Variants in NBPF26 observed in about 807,000 individuals in gnomAD.
NBPF26 encodes NBPF family member NBPF26.
A neutral mutation model predicts 119.6 loss-of-function variants in NBPF26; 79 were observed. That is an observed-to-expected ratio of 0.66 (90% CI 0.55 to 0.80). NBPF26 has a LOEUF of 0.80. NBPF26 is among the 30% of genes least tolerant of loss of function. The pLI, the probability that NBPF26 is intolerant of heterozygous loss-of-function variation, is 0.00. For missense variants in NBPF26, 800 were observed against 1,198.2 expected (o/e 0.67, Z 4.91); for synonymous variants, 299 against 457.7 (o/e 0.65, Z 4.43).
At chr1:120,823,784 GT>G (rs1652189160) in intron 17 of NBPF26, among the ~76,000 whole-genome samples, 189 bp from the exon 18 acceptor site, 2 of 112,630 alleles carry the variant, frequency 1.8e-5, no homozygotes, top group Admixed American at 1.7e-4. Context: ...GTGTGTGTGT[GT>G]GTGTGTCTTT....
At chr1:120,840,433 A>G in exon 30 of NBPF26, 2 of 1,469,772 alleles carry the variant, frequency 1.4e-6, no homozygotes, top group Admixed American at 1.8e-5. Context: ...CCGTCAATGT[A>G]CTTTGAACTA....
rs1651401267 is a variant in NBPF26, at chr1:120,784,644, C to A, written c.156-330C>A. On this transcript the variant is annotated intron_variant, in intron 2 of 29. Coordinates refer to ENST00000620612, the Ensembl canonical transcript of NBPF26. ...CACACCCTCATCCCCAGTTCCATTC[C>A]ATTCCTTCCTGTTTAATTTTTTTTC... Among the ~76,000 whole-genome samples the A allele has an allele frequency of 1.7e-5, 2 of 118,302 alleles. 1 individual carries two copies. The highest frequency in any genetic ancestry group is 9.8e-5 in the African/African-American group (2 of 20,400). 77.6% of individuals were successfully genotyped at this position (118,302 alleles called of 152,430 possible). A position where few individuals can be genotyped will look rare whatever the true frequency, so the allele number is the denominator to read the frequency against.
At chr1:120,801,743 C>T (rs1446413716) in intron 4 of NBPF26, among the ~76,000 whole-genome samples, 2 of 96,034 alleles carry the variant, frequency 2.1e-5, no homozygotes, top group East Asian at 4.7e-4. Context: ...GCAGGAGGAT[C>T]GCTTGAGCCT....
Position 120,811,011 on chromosome 1 carries a change from C to T in NBPF26, c.1564+453C>T, listed in dbSNP as rs1259540157. Reference sequence around the variant, plus strand: ...ATCCGAGCACTTTGGGAGGCCGAGGCGGGTGGATCATGAGGTCAGGAGATT... The same window carrying T: ...ATCCGAGCACTTTGGGAGGCCGAGGTGGGTGGATCATGAGGTCAGGAGATT... On this transcript the variant is annotated intron_variant, in intron 9 of 29. Transcript: ENST00000620612. 6.9e-5 allele frequency among the ~76,000 whole-genome samples: 7 copies of T among 101,590 alleles called. 1 individual carries two copies. The highest frequency in any genetic ancestry group is 4.5e-4 in the East Asian group (2 of 4,434). The allele number at this position is 101,590 out of a possible 152,430, so 66.6% of individuals were successfully genotyped here.
In NBPF26 at chr1:120,810,666, G is replaced by A. The variant is rs1297293560; in HGVS notation, c.1564+108G>A. ...TTGTTATTGTTTTAGTCAGAAACTG[G>A]GATGGAGCTAGGTGCTGTGACTCAC... On this transcript the variant is annotated intron_variant, in intron 9 of 29. Transcript: ENST00000620612. 3.8e-5 allele frequency: 49 copies of A among 1,287,572 alleles called. 1 individual carries two copies. The African/African-American group carries it at 3.9e-4, about 10-fold the overall frequency. The allele number at this position is 1,287,572 out of a possible 1,614,324, so 79.8% of individuals were successfully genotyped here.
At chr1:120,802,274 C>A (rs1651591544) in intron 4 of NBPF26, among the ~76,000 whole-genome samples, 1 of 126,226 alleles carries the variant, frequency 7.9e-6, no homozygotes, top group South Asian at 2.4e-4. Context: ...GGACGATGAA[C>A]TTGAATTTGC....
At chr1:120,808,471 A>C (rs1651765017) in intron 6 of NBPF26, 74 bp from the exon 7 acceptor site, 4 of 1,069,314 alleles carry the variant, frequency 3.7e-6, no homozygotes, top group Non-Finnish European at 5.5e-6. Context: ...TTGTCTCAGA[A>C]GTCTCTGTTG....
In NBPF26 at chr1:120,784,985, G is replaced by T. The variant is rs1307779299; in HGVS notation, c.167G>T (p.Gly56Val). 7 of 1,418,606 alleles carry T rather than the reference G, an allele frequency of 4.9e-6. 2 individuals carry two copies. The highest frequency in any genetic ancestry group is 5.4e-5 in the African/African-American group (2 of 37,096). The allele number at this position is 1,418,606 out of a possible 1,614,324, so 87.9% of individuals were successfully genotyped here. Reference sequence around the variant, plus strand: ...TCTTTTCCATACAGATGTCCAGAAGGCTTCTTGGGGGAATATTGTCAACAT... The same window carrying T: ...TCTTTTCCATACAGATGTCCAGAAGTCTTCTTGGGGGAATATTGTCAACAT... Residue 56 changes from glycine to valine, a missense_variant, in exon 3 of 30, where the codon GGC becomes GTC. Around this residue, in one of 13 missense-constraint regions of NBPF26, gnomAD observed 209 missense variants for 285.2 expected, o/e 0.73. Transcript: ENST00000620612.
Position 120,802,179 on chromosome 1 carries a change from C to T in NBPF26, c.752-3377C>T, listed in dbSNP as rs1468184054. Reference sequence around the variant, plus strand: ...ATAAGGTCGATGGTATCAGCGGGTCCCCAAACTGACTGCACATCTGAGTCA... The same window carrying T: ...ATAAGGTCGATGGTATCAGCGGGTCTCCAAACTGACTGCACATCTGAGTCA... On this transcript the variant is annotated intron_variant, in intron 4 of 29. Coordinates refer to ENST00000620612, the Ensembl canonical transcript of NBPF26. Among the ~76,000 whole-genome samples, 2 of 119,780 alleles carry T rather than the reference C, an allele frequency of 1.7e-5. 1 individual carries two copies. Among genetic ancestry groups the T allele is most frequent in the Non-Finnish European group, 3.3e-5 (2 of 60,144 alleles). 78.6% of individuals were successfully genotyped at this position (119,780 alleles called of 152,430 possible). A position where few individuals can be genotyped will look rare whatever the true frequency, so the allele number is the denominator to read the frequency against.
chr1:120,813,313 A>G (rs1366323337), intron 10 of NBPF26, among the ~76,000 whole-genome samples: 3 of 127,712 alleles, frequency 2.3e-5, no homozygotes, highest in Non-Finnish European at 4.8e-5. Flanking sequence ...CTAAATTAAC[A>G]CAAACTTTAT....
chr1:120,832,456 AG>A (rs1652361305), intron 22 of NBPF26, among the ~76,000 whole-genome samples: 1 of 86,226 alleles, frequency 1.2e-5, no homozygotes, highest in Non-Finnish European at 2.0e-5. Context: ...TTTTGACTCA[AG>A]GGTTTGTAGA....
In NBPF26 at chr1:120,729,121, A is replaced by G. The variant is rs1241065784; in HGVS notation, c.73+4871A>G. On this transcript the variant is annotated intron_variant, in intron 1 of 29. Coordinates refer to ENST00000620612, the Ensembl canonical transcript of NBPF26. ...TGATGGTGAGTTGGAGTGTGTTTCT[A>G]TGTTCTTTTTTCCTTTGAAGAGATA... 5.6e-5 allele frequency among the ~76,000 whole-genome samples: 5 copies of G among 89,270 alleles called. No homozygotes were observed. The East Asian group carries it at 1.3e-3, about 24-fold the overall frequency. The allele number at this position is 89,270 out of a possible 152,430, so 58.6% of individuals were successfully genotyped here.
Position 120,840,465 on chromosome 1 carries a change from A to G in NBPF26, c.4219A>G (p.Arg1407Gly), listed in dbSNP as rs1553273500. The change falls in exon 30 of 30, where the codon AGA becomes GGA. Residue 1407 changes from arginine to glycine, a missense_variant. Arg to Gly is a moderately radical substitution (Grantham distance 125, BLOSUM62 -2). This residue lies in a region of NBPF26 where 155 missense variants were observed against 95.9 expected (regional missense o/e 1.62). Coordinates refer to ENST00000620612, the Ensembl canonical transcript of NBPF26. ...ACTACCTGACTCATTCCAGCACTAC[A>G]GAAGTGTGTTTTACTCATTTGAGGA... The G allele has an allele frequency of 5.4e-6, 8 of 1,478,744 alleles. 1 individual carries two copies. The highest frequency in any genetic ancestry group is 1.8e-5 in the Admixed American group (1 of 55,142). The allele number at this position is 1,478,744 out of a possible 1,614,324, so 91.6% of individuals were successfully genotyped here.
Position 120,816,903 on chromosome 1 carries a change from A to G in NBPF26, c.2371+76A>G, listed in dbSNP as rs1276691337. On this transcript the variant is annotated intron_variant, in intron 14 of 29. Transcript: ENST00000620612. Reference sequence around the variant, plus strand: ...TAAACTCTGAAGACAGGCTCTATAAACACAAATTCATTTGAATAAAAAACT... The same window carrying G: ...TAAACTCTGAAGACAGGCTCTATAAGCACAAATTCATTTGAATAAAAAACT... 4.8e-5 allele frequency: 68 copies of G among 1,414,928 alleles called. 17 individuals carry two copies. The highest frequency in any genetic ancestry group is 6.0e-5 in the Non-Finnish European group (63 of 1,057,240). The allele number at this position is 1,414,928 out of a possible 1,614,324, so 87.6% of individuals were successfully genotyped here.
At chr1:120,806,270 C>T (rs1651680382) in intron 5 of NBPF26, among the ~76,000 whole-genome samples, 1 of 121,086 alleles carries the variant, frequency 8.3e-6, no homozygotes, top group Admixed American at 8.1e-5. Flanking sequence ...CCTAATAGAA[C>T]CTGTGCTATC....
intron 4 of NBPF26, among the ~76,000 whole-genome samples, chr1:120,804,531 G>T (rs1336736849): frequency 2.0e-5 from 2 of 100,686 alleles, no homozygotes; most frequent in Non-Finnish European, 3.7e-5. Flanking sequence ...ATAGTATCAG[G>T]TTTACAAAAC....
chr1:120,811,419 C>T lies in NBPF26; in HGVS notation c.1565-467C>T, dbSNP rs1228119345. On this transcript the variant is annotated intron_variant, in intron 9 of 29. Transcript: ENST00000620612. The stretch of plus-strand genomic sequence containing the variant: ...AAATTAGCTGGCATGTTACTTGGCG[C>T]TTGTAATCCCAGATGCTTGGCAGGC... Among the ~76,000 whole-genome samples the T allele has an allele frequency of 3.6e-4, 38 of 106,714 alleles. 15 individuals carry two copies. The highest frequency in any genetic ancestry group is 2.2e-3 in the African/African-American group (35 of 16,066). 70.0% of individuals were successfully genotyped at this position (106,714 alleles called of 152,430 possible). A position where few individuals can be genotyped will look rare whatever the true frequency, so the allele number is the denominator to read the frequency against.
In NBPF26 at chr1:120,792,925, A is replaced by G. The variant is rs1469587520; in HGVS notation, c.416-236A>G. 2.7e-4 allele frequency among the ~76,000 whole-genome samples: 17 copies of G among 63,432 alleles called. 4 individuals are homozygous for G. The highest frequency in any genetic ancestry group is 1.5e-3 in the South Asian group (4 of 2,650). The allele number at this position is 63,432 out of a possible 152,430, so 41.6% of individuals were successfully genotyped here. On this transcript the variant is annotated intron_variant, in intron 3 of 29. Coordinates refer to ENST00000620612, the Ensembl canonical transcript of NBPF26. ...TGGGCTTCAATGTGACTAACCTACA[A>G]TTGCCTCCAGGTGCTCCACCCACTG...
chr1:120,806,839 A>T (rs1374817336), intron 5 of NBPF26, among the ~76,000 whole-genome samples: 1 of 121,226 alleles, frequency 8.2e-6, no homozygotes, highest in Non-Finnish European at 1.7e-5. Context: ...TTCAGAGGGT[A>T]CTACAATAAT....
Sources: allele counts gnomAD v4.1 joint callset (sites outside exome capture counted in the v4.1 genomes callset), GRCh38; gene constraint gnomAD v4.1.1; regional missense constraint gnomAD v4.1.1; transcripts MANE v1.5; gene names NCBI Gene and HGNC (gene_info 2026-07-23, HGNC 2026-07-21).